ESPN: variants seen among roughly 807,000 people sequenced by gnomAD.
ESPN encodes espin.
ESPN carries 68 observed loss-of-function variants against 77.7 expected under a neutral mutation model. The ratio of observed to expected loss-of-function variants is 0.87; its 90% CI spans 0.72 to 1.07. The LOEUF is 1.07. Among genes scored for constraint, ESPN ranks in the 50% least tolerant of loss-of-function variants. The probability of loss-of-function intolerance (pLI) is 0.00; values close to 1 mark genes in which losing one functional copy is unlikely to be tolerated. For missense variants in ESPN, 1,060 were observed against 1,239.0 expected (o/e 0.86, Z 2.17); for synonymous variants, 449 against 567.1 (o/e 0.79, Z 2.96).
chr1:6,452,897 A>ATTTTTT (rs1350694225), intron 10 of ESPN, among the ~76,000 whole-genome samples: 38 of 138,806 alleles, frequency 2.7e-4, no homozygotes, highest in African/African-American at 1.3e-3. Context: ...ATTTATTTTT[A>ATTTTTT]TTTTTTATTT....
chr1:6,459,947 G>C, intron 12 of ESPN, 52 bp from the exon 13 acceptor site: 1 of 1,610,530 alleles, frequency 6.2e-7, no homozygotes, highest in Non-Finnish European at 8.5e-7. Flanking sequence ...CTGCCAGCCT[G>C]GGTATCTGGC....
At position 6,455,473 on chromosome 1, in the gene ESPN, A is replaced by C. The variant is rs1644037848; in HGVS notation, c.2326-1711A>C. 5 of 397,316 alleles carry C rather than the reference A, an allele frequency of 1.3e-5. No individual in the cohort carries two copies. The East Asian group carries it at 1.8e-4, about 14-fold the overall frequency. 24.6% of individuals were successfully genotyped at this position (397,316 alleles called of 1,614,324 possible). A position where few individuals can be genotyped will look rare whatever the true frequency, so the allele number is the denominator to read the frequency against. Reference sequence around the variant, plus strand: ...CACAGCCCCGACGAACGGCTGCGGCAGCTGCTGAGGCAGCGGCAGGCGGTG... The same window carrying C: ...CACAGCCCCGACGAACGGCTGCGGCCGCTGCTGAGGCAGCGGCAGGCGGTG... On this transcript the variant is annotated intron_variant, in intron 10 of 12. Coordinates refer to ENST00000645284, the MANE Select transcript of ESPN (RefSeq NM_031475.3).
intron 2 of ESPN, among the ~76,000 whole-genome samples, chr1:6,438,013 C>T (rs766019577): frequency 2.0e-5 from 3 of 150,504 alleles, no homozygotes; most frequent in South Asian, 2.1e-4. Context: ...GATGGGTGAG[C>T]GAGGGATGAA....
chr1:6,461,124 C>T (rs1644157378), downstream of ESPN: 1 of 599,032 alleles, frequency 1.7e-6, no homozygotes, highest in African/African-American at 1.8e-5. The surrounding 1 kb of genome is among the most constrained non-coding windows in gnomAD (Gnocchi z 6.3). Context: ...CTTAACACCC[C>T]AGCCCCGCAG....
At position 6,428,136 on chromosome 1, in the gene ESPN, C is replaced by T. The variant is rs894430757; in HGVS notation, c.295-90C>T. 1.0e-5 allele frequency: 14 copies of T among 1,365,538 alleles called. No homozygotes were observed. The highest frequency in any genetic ancestry group is 2.0e-4 in the Middle Eastern group (1 of 4,898). 84.6% of individuals were successfully genotyped at this position (1,365,538 alleles called of 1,614,324 possible). ...AGGGAAGACAGAGAGCACAGAGCTA[C>T]CTTCCAGGCCTGTGGGAGTCTGGGA... On this transcript the variant is annotated intron_variant, in intron 1 of 12. Transcript: ENST00000645284. The surrounding 1 kb of genome is among the most constrained non-coding windows in gnomAD (Gnocchi z 5.4).
In ESPN at chr1:6,440,329, C is replaced by G. The variant is rs2148517936; in HGVS notation, c.564C>G (p.Thr188=). ...GCCAGGAGGGCCACCTGGAGGTGAC[C>G]CAGTACCTGGTGCAGGAATGCGGCG... ...LACQEGHLEV[T]QYLVQECGAD... The change falls in exon 3 of 13, where the codon ACC becomes ACG. Residue 188 remains threonine, a synonymous_variant. Coordinates refer to ENST00000645284, the MANE Select transcript of ESPN (RefSeq NM_031475.3). 5 of 1,576,436 alleles carry G rather than the reference C, an allele frequency of 3.2e-6. No homozygotes were observed. The highest frequency in any genetic ancestry group is 4.3e-6 in the Non-Finnish European group (5 of 1,161,184).
chr1:6,444,708 G>A (rs762842772), intron 6 of ESPN, 26 bp downstream of exon 6: 2 of 1,613,662 alleles, frequency 1.2e-6, no homozygotes, highest in Admixed American at 1.7e-5. Flanking sequence ...AGGAAGACGG[G>A]GAGGGAGAGC....
At chr1:6,456,252 A>C (rs1644056411) in intron 10 of ESPN, 2 of 393,288 alleles carry the variant, frequency 5.1e-6, no homozygotes, top group Admixed American at 4.4e-5. Flanking sequence ...GTGGGCCTGG[A>C]CGCCTGTCTG....
rs1262592277 is a variant in ESPN, at chr1:6,457,214, A to T, written c.2356A>T (p.Met786Leu). The T allele has an allele frequency of 6.2e-7, 1 of 1,611,958 alleles. No individual in the cohort carries two copies. The highest frequency in any genetic ancestry group is 8.5e-7 in the Non-Finnish European group (1 of 1,179,020). ...EEEEEARLAS[M>L]PAWRRDLLRK... ...GGAGGAGGAGGCCCGGCTGGCCAGC[A>T]TGCCCGCCTGGAGGCGGGACCTCCT... is the stretch of plus-strand genomic sequence containing the variant. The change falls in exon 11 of 13, where the codon ATG becomes TTG. Residue 786 changes from methionine (M) to leucine (L), a missense_variant. Met to Leu is a conservative substitution (Grantham distance 15). Around this residue, in one of 3 missense-constraint regions of ESPN, gnomAD observed 374 missense variants for 381.4 expected, o/e 0.98. Coordinates refer to ENST00000645284, the MANE Select transcript of ESPN (RefSeq NM_031475.3).
chr1:6,436,385 G>A (rs1643437341), intron 2 of ESPN, among the ~76,000 whole-genome samples: 1 of 152,140 alleles, frequency 6.6e-6, no homozygotes, highest in Admixed American at 6.5e-5. Context: ...CAGTGCTTGA[G>A]ACAGAGTAAT....
chr1:6,440,345 G>A lies in ESPN; in HGVS notation c.580G>A (p.Glu194Lys), dbSNP rs1210940651. ...GGAGGTGACCCAGTACCTGGTGCAG[G>A]AATGCGGCGCAGACCCGCACGCGCG... ...HLEVTQYLVQ[E>K]CGADPHARAH... The change falls in exon 3 of 13, where the codon GAA becomes AAA. Residue 194 changes from glutamate to lysine, a missense_variant. Physicochemically the swap from Glu to Lys is moderately conservative, Grantham distance 56. This residue lies in a region of ESPN where 556 missense variants were observed against 633.6 expected (regional missense o/e 0.88). Coordinates refer to ENST00000645284, the MANE Select transcript of ESPN (RefSeq NM_031475.3). 24 of 1,583,782 alleles carry A rather than the reference G, an allele frequency of 1.5e-5. No individual in the cohort carries two copies. Among genetic ancestry groups the A allele is most frequent in the Non-Finnish European group, 2.0e-5 (23 of 1,165,418 alleles).
chr1:6,430,506 G>A (rs112138943), intron 2 of ESPN, among the ~76,000 whole-genome samples: 13,954 of 152,258 alleles, frequency 0.092, 933 homozygotes, highest in African/African-American at 0.18. Flanking sequence ...CGTCTGTCCC[G>A]TTCATGGGGC....
chr1:6,430,513 G>A (rs887075239), intron 2 of ESPN, among the ~76,000 whole-genome samples: 1 of 152,188 alleles, frequency 6.6e-6, no homozygotes, highest in Non-Finnish European at 1.5e-5. Flanking sequence ...CCCGTTCATG[G>A]GGCCAAGTCT....
rs2148499135 is a variant in ESPN, at chr1:6,425,234, C to T, written c.279C>T (p.Gly93=). 5 of 1,564,580 alleles carry T rather than the reference C, an allele frequency of 3.2e-6. No homozygotes were observed. Among genetic ancestry groups the T allele is most frequent in the Non-Finnish European group, 4.3e-6 (5 of 1,163,880 alleles). The change falls in exon 1 of 13, where the codon GGC becomes GGT. Residue 93 remains glycine (G), a synonymous_variant. Transcript: ENST00000645284. ...LACLQWLLSQ[G]GCRVQDKDNS... is the part of the protein sequence containing the mutation. ...GCCTGCAGTGGCTGCTGTCGCAGGGCGGCTGCAGAGTGCAGGTGGGTCCGC... is the reference window on the plus strand; with the variant it reads ...GCCTGCAGTGGCTGCTGTCGCAGGGTGGCTGCAGAGTGCAGGTGGGTCCGC...
chr1:6,444,059 G>A (rs1320427109), intron 5 of ESPN, among the ~76,000 whole-genome samples: 1 of 152,220 alleles, frequency 6.6e-6, no homozygotes, highest in East Asian at 1.9e-4. Context: ...GTCTGCCCCA[G>A]GCCCCAGGTC....
intron 2 of ESPN, among the ~76,000 whole-genome samples, chr1:6,434,468 A>G (rs1324606838): frequency 1.3e-5 from 2 of 152,126 alleles, no homozygotes; most frequent in Admixed American, 6.5e-5. Context: ...TGAGTGGGGT[A>G]TGGAATCCCA....
rs1326985644 is a variant in ESPN, at chr1:6,447,706, G to A, written c.1465-935G>A. ...GGTGTCGCTTTCGTGGATGGCGATG[G>A]TTTCCAGATGCAGGAGGGGAAGGGT... On this transcript the variant is annotated intron_variant, in intron 7 of 12. Coordinates refer to ENST00000645284, the MANE Select transcript of ESPN (RefSeq NM_031475.3). The surrounding 1 kb of genome is among the most constrained non-coding windows in gnomAD (Gnocchi z 5.2). Among the ~76,000 whole-genome samples, 2 of 152,288 alleles carry A rather than the reference G, an allele frequency of 1.3e-5. No homozygotes were observed. Among genetic ancestry groups the A allele is most frequent in the Admixed American group, 6.5e-5 (1 of 15,300 alleles).
intron 2 of ESPN, among the ~76,000 whole-genome samples, chr1:6,432,761 A>AGG (rs1044270544): frequency 1.3e-5 from 2 of 152,252 alleles, no homozygotes; most frequent in Admixed American, 6.5e-5. Flanking sequence ...AGAACGGAAA[A>AGG]GGGGAAGTCC....
At position 6,447,742 on chromosome 1, in the gene ESPN, C is replaced by T. The variant is rs1255874301; in HGVS notation, c.1465-899C>T. 1.3e-5 allele frequency among the ~76,000 whole-genome samples: 2 copies of T among 152,116 alleles called. No homozygotes were observed. The highest frequency in any genetic ancestry group is 2.9e-5 in the Non-Finnish European group (2 of 68,004). ...CAGGAGGGGAAGGGTGGGGACGCGA[C>T]CCGGAGCCGGGGGCCAAATATGAGA... is the stretch of plus-strand genomic sequence containing the variant. On this transcript the variant is annotated intron_variant, in intron 7 of 12. Transcript: ENST00000645284. This position sits in a 1 kb window ranked among gnomAD's most constrained non-coding sequence, Gnocchi z 5.2.
Sources: allele counts gnomAD v4.1 joint callset (sites outside exome capture counted in the v4.1 genomes callset), GRCh38; gene constraint gnomAD v4.1.1; regional missense constraint gnomAD v4.1.1; non-coding constraint Gnocchi (gnomAD v3.1); transcripts MANE v1.5; gene names NCBI Gene and HGNC (gene_info 2026-07-23, HGNC 2026-07-21).